The following MYO15A variants were observed in gnomAD, a reference collection of about 807,000 sequenced individuals.
MYO15A encodes myosin XVA, also known as unconventional myosin-XV.
Under a neutral mutation model 394.6 loss-of-function variants are expected in MYO15A, and 308 were observed. The ratio of observed to expected loss-of-function variants is 0.78; its 90% CI spans 0.71 to 0.86. The LOEUF (loss-of-function observed/expected upper bound fraction) is 0.86, where lower values mean the gene tolerates loss of function less well. Among genes scored for constraint, MYO15A ranks in the 40% least tolerant of loss-of-function variants. The pLI, the probability that MYO15A is intolerant of heterozygous loss-of-function variation, is 0.00. For synonymous variants in MYO15A, 1,957 were observed against 2,003.8 expected (o/e 0.98, Z 0.62); for missense variants, 4,606 against 4,799.1 (o/e 0.96, Z 1.19).
At chr17:18,137,781 A>T (rs2046305745) in intron 16 of MYO15A, 102 bp downstream of exon 16, 2 of 1,283,884 alleles carry the variant, frequency 1.6e-6, no homozygotes, top group Non-Finnish European at 2.2e-6. Context: ...CAATTCTGAC[A>T]TCAGTAGACA....
In MYO15A at chr17:18,143,547, GAC is replaced by G; in HGVS notation, c.5911-17_5911-16del. The G allele has an allele frequency of 1.3e-6, 2 of 1,552,486 alleles. No individual in the cohort carries two copies. The highest frequency in any genetic ancestry group is 2.4e-5 in the South Asian group (2 of 84,126). ...ACCTCTGCCTGCCACTCCCCAACCT[GAC>G]ATCTTCTCTTCTGAAGCTGAGGGCA... On this transcript the variant is annotated splice_polypyrimidine_tract_variant and intron_variant, in intron 25 of 65. Coordinates refer to ENST00000647165, the MANE Select transcript of MYO15A (RefSeq NM_016239.4).
At chr17:18,139,137 T>C in intron 18 of MYO15A, 1 of 733,576 alleles carries the variant, frequency 1.4e-6, no homozygotes, top group Non-Finnish European at 2.3e-6. Flanking sequence ...GTAATAATAG[T>C]GCCCAACTCA....
rs761888570 is a variant in MYO15A, at chr17:18,120,472, G to C, written c.1672G>C (p.Gly558Arg). Residue 558 changes from glycine (G) to arginine (R), a missense_variant, in exon 2 of 66, where the codon GGC (glycine) becomes CGC (arginine). Around this residue, in one of 2 missense-constraint regions of MYO15A, gnomAD observed 1,830 missense variants for 1,689.7 expected, o/e 1.08. Coordinates refer to ENST00000647165, the MANE Select transcript of MYO15A (RefSeq NM_016239.4). ...CGGCGCCCACCGGGGCCTGGGCTTC[G>C]GCCCTGAGTTTGGCCGCCCCGTGCC... Reference protein sequence around the residue: ...AFGAHRGLGFGPEFGRPVPRP... With the variant: ...AFGAHRGLGFRPEFGRPVPRP... 8.3e-6 allele frequency: 13 copies of C among 1,574,750 alleles called. No individual in the cohort carries two copies. Among genetic ancestry groups the C allele is most frequent in the African/African-American group, 2.7e-5 (2 of 74,168 alleles).
At chr17:18,159,199 C>A in intron 53 of MYO15A, 76 bp from the exon 54 acceptor site, 1 of 1,549,716 alleles carries the variant, frequency 6.5e-7, no homozygotes, top group Non-Finnish European at 8.9e-7. Flanking sequence ...TATCATATGG[C>A]CTTGGAACAC....
chr17:18,173,985 T>C, intron 65 of MYO15A, 64 bp downstream of exon 65: 1 of 1,571,716 alleles, frequency 6.4e-7, no homozygotes, highest in Non-Finnish European at 8.6e-7. Flanking sequence ...GGCTCCAAGA[T>C]AGGTCAGGTC....
At chr17:18,158,735 C>A in intron 52 of MYO15A, 97 bp downstream of exon 52, 1 of 1,477,828 alleles carries the variant, frequency 6.8e-7, no homozygotes. Context: ...GGCCCCACTT[C>A]TGGTGGGAGA....
chr17:18,113,862 AG>A (rs1157764121), intron 1 of MYO15A, among the ~76,000 whole-genome samples: 1 of 150,520 alleles, frequency 6.6e-6, no homozygotes, highest in African/African-American at 2.5e-5. Context: ...GAAAGGCCTC[AG>A]TAAACACTGT....
At chr17:18,131,189 C>T in intron 8 of MYO15A, 50 bp from the exon 9 acceptor site, 1 of 1,554,644 alleles carries the variant, frequency 6.4e-7, no homozygotes, top group South Asian at 1.1e-5. Context: ...ACCCAGGCCC[C>T]CAGAACAGTG....
In MYO15A at chr17:18,151,749, G is replaced by A. The variant is rs573389043; in HGVS notation, c.7788-97G>A. On this transcript the variant is annotated intron_variant, in intron 40 of 65. Coordinates refer to ENST00000647165, the MANE Select transcript of MYO15A (RefSeq NM_016239.4). ...CCCTGGATTCTCATTTATAATGATA[G>A]GGGGTGGTGGAGGAGGAGGAAGTTT... 2.1e-4 allele frequency: 267 copies of A among 1,246,766 alleles called. 4 individuals carry two copies. The South Asian group carries it at 3.0e-3, about 14-fold the overall frequency. The allele number at this position is 1,246,766 out of a possible 1,614,324, so 77.2% of individuals were successfully genotyped here.
intron 3 of MYO15A, 85 bp from the exon 4 acceptor site, chr17:18,125,083 C>A: frequency 1.6e-6 from 2 of 1,285,590 alleles, no homozygotes; most frequent in Non-Finnish European, 2.3e-6. Flanking sequence ...CCTATCTGAT[C>A]AAGGCACTGC....
At position 18,132,897 on chromosome 17, in the gene MYO15A, T is replaced by C. The variant is rs538591754; in HGVS notation, c.4321-328T>C. Among the ~76,000 whole-genome samples the C allele has an allele frequency of 7.2e-5, 11 of 152,304 alleles. No individual in the cohort carries two copies. In the South Asian group the frequency reaches 1.5e-3, roughly 20 times the overall value. ...AACATAGTACCACTTTGCAGGGATG[T>C]AGTGAGGCTTAGATGAGGAAACGCA... On this transcript the variant is annotated intron_variant, in intron 11 of 65. Coordinates refer to ENST00000647165, the MANE Select transcript of MYO15A (RefSeq NM_016239.4). The surrounding 1 kb of genome is among the most constrained non-coding windows in gnomAD (Gnocchi z 4.6).
chr17:18,136,608 C>T lies in MYO15A; in HGVS notation c.4701C>T (p.Leu1567=), dbSNP rs369283278. The stretch of plus-strand genomic sequence containing the variant: ...TGTATGCACTGCTGTTCAGCTGGCT[C>T]ATCACCAGGGTCAACGCGCTGGTGT... The part of the protein sequence containing the change: ...KVLYALLFSW[L]ITRVNALVSP... The change falls in exon 15 of 66, where the codon CTC becomes CTT. Residue 1567 remains leucine, a synonymous_variant. Transcript: ENST00000647165. 10 of 1,613,964 alleles carry T rather than the reference C, an allele frequency of 6.2e-6. No individual in the cohort carries two copies. The highest frequency in any genetic ancestry group is 4.4e-5 in the South Asian group (4 of 91,092).
Position 18,150,111 on chromosome 17 carries a change from A to C in MYO15A, c.7213-318A>C. 2.4e-6 allele frequency: 1 copy of C among 418,620 alleles called. No homozygotes were observed. The highest frequency in any genetic ancestry group is 4.5e-6 in the Non-Finnish European group (1 of 224,536). The allele number at this position is 418,620 out of a possible 1,614,324, so 25.9% of individuals were successfully genotyped here. A position where few individuals can be genotyped will look rare whatever the true frequency, so the allele number is the denominator to read the frequency against. On this transcript the variant is annotated intron_variant, in intron 35 of 65. Transcript: ENST00000647165. The surrounding 1 kb of genome is among the most constrained non-coding windows in gnomAD (Gnocchi z 4.4). ...CGAGACCCCTCAGGTACCCTTACTC[A>C]CTCTGGAAACTCCAGAACCCACCCC...
intron 29 of MYO15A, among the ~76,000 whole-genome samples, chr17:18,144,893 G>A (rs979653600): frequency 6.6e-6 from 1 of 152,118 alleles, no homozygotes; most frequent in Non-Finnish European, 1.5e-5. Context: ...TCTGAAGGGG[G>A]AGGCAGAGTT....
At position 18,120,748 on chromosome 17, in the gene MYO15A, G is replaced by A. The variant is rs1329887156; in HGVS notation, c.1948G>A (p.Ala650Thr). The A allele has an allele frequency of 2.7e-6, 4 of 1,461,362 alleles. No individual in the cohort carries two copies. The highest frequency in any genetic ancestry group is 2.4e-4 in the Middle Eastern group (1 of 4,110). The allele number at this position is 1,461,362 out of a possible 1,614,324, so 90.5% of individuals were successfully genotyped here. A position where few individuals can be genotyped will look rare whatever the true frequency, so the allele number is the denominator to read the frequency against. ...DARRPPAPQPAPRTLSHWSAL... is the reference protein window; with the variant it reads ...DARRPPAPQPTPRTLSHWSAL... The stretch of plus-strand genomic sequence containing the variant: ...GCGCCGCCCGCCCGCGCCACAGCCC[G>A]CGCCCAGGACCCTCTCCCACTGGAG... Residue 650 changes from alanine (A) to threonine (T), a missense_variant, in exon 2 of 66, where the codon GCG becomes ACG. By Grantham distance (58) the Ala-to-Thr change is moderately conservative. Coordinates refer to ENST00000647165, the MANE Select transcript of MYO15A (RefSeq NM_016239.4).
At position 18,151,786 on chromosome 17, in the gene MYO15A, A is replaced by G. The variant is rs773250693; in HGVS notation, c.7788-60A>G. ...GGAGGAGGAAGTTTCCTACTGTCAA[A>G]CTATGTGATGGGAAAGGGAGACTCA... On this transcript the variant is annotated intron_variant, in intron 40 of 65. Transcript: ENST00000647165. 2.7e-5 allele frequency: 40 copies of G among 1,481,120 alleles called. No individual in the cohort carries two copies. The Admixed American group carries it at 3.5e-4, about 13-fold the overall frequency. The allele number at this position is 1,481,120 out of a possible 1,614,324, so 91.7% of individuals were successfully genotyped here.
At chr17:18,131,391 A>C in intron 9 of MYO15A, 49 bp downstream of exon 9, 1 of 1,613,002 alleles carries the variant, frequency 6.2e-7, no homozygotes, top group South Asian at 1.1e-5. Context: ...AGTGTCTTCC[A>C]TGTCCTGCCA....
chr17:18,167,661 G>C lies in MYO15A; in HGVS notation c.10020G>C (p.Gln3340His), dbSNP rs1485912217. ...PASRPSEQLLQQVSKLASLQH... is the reference protein window; with the variant it reads ...PASRPSEQLLHQVSKLASLQH... Reference sequence around the variant, plus strand: ...GCCGGCCCAGCGAGCAGCTGCTGCAGCAGGTGTCCAAGCTGGCTTCACTGC... The same window carrying C: ...GCCGGCCCAGCGAGCAGCTGCTGCACCAGGTGTCCAAGCTGGCTTCACTGC... Residue 3340 changes from glutamine (Q) to histidine (H), a missense_variant, in exon 62 of 66, where the codon CAG (glutamine) becomes CAC (histidine). Physicochemically the swap from Gln to His is conservative, Grantham distance 24. Transcript: ENST00000647165. 1.2e-5 allele frequency: 19 copies of C among 1,604,370 alleles called. No homozygotes were observed. The highest frequency in any genetic ancestry group is 1.6e-5 in the Non-Finnish European group (19 of 1,179,984).
Position 18,151,873 on chromosome 17 carries a change from G to T in MYO15A, c.7815G>T (p.Lys2605Asn). Residue 2605 changes from lysine to asparagine, a missense_variant, in exon 41 of 66, where the codon AAG becomes AAT. Lys to Asn is a moderately conservative substitution (Grantham distance 94). Transcript: ENST00000647165. ...LRKDGGKVFM[K>N]RPDPHEEALM... The stretch of plus-strand genomic sequence containing the variant: ...AGGATGGCGGGAAAGTGTTCATGAA[G>T]CGGCCAGACCCTCATGAGGAGGCCC... The T allele has an allele frequency of 6.3e-7, 1 of 1,578,446 alleles. No homozygotes were observed. Among genetic ancestry groups the T allele is most frequent in the South Asian group, 1.2e-5 (1 of 85,810 alleles).
Sources: gnomAD v4.1 joint callset for allele counts (sites outside exome capture counted in the v4.1 genomes callset) on GRCh38, gnomAD v4.1.1 for gene constraint, gnomAD v4.1.1 regional missense constraint, Gnocchi (gnomAD v3.1) non-coding constraint, MANE v1.5 for transcripts, NCBI Gene and HGNC (gene_info 2026-07-23, HGNC 2026-07-21) for gene names.